RIC8B: variants seen among roughly 807,000 people sequenced by gnomAD.
RIC8B encodes RIC8 guanine nucleotide exchange factor B, also known as chaperone Ric-8B.
In RIC8B, 16 loss-of-function variants were observed where a neutral mutation model predicts 57.5. The observed-to-expected ratio is 0.28, with a 90% CI of 0.19 to 0.42. The LOEUF is 0.42. RIC8B is among the 10% of genes least tolerant of loss of function. RIC8B has a pLI of 1.00. For missense variants in RIC8B, 481 were observed against 677.0 expected (o/e 0.71, Z 3.21); for synonymous variants, 216 against 250.8 (o/e 0.86, Z 1.31).
At chr12:106,842,000 G>A (rs1377832428) in intron 4 of RIC8B, among the ~76,000 whole-genome samples, 1 of 152,132 alleles carries the variant, frequency 6.6e-6, no homozygotes, top group East Asian at 1.9e-4. Context: ...ACTTCATTTA[G>A]AGACCTGATG....
chr12:106,880,676 A>G lies in RIC8B; in HGVS notation c.1572-5228A>G, dbSNP rs150979078. Among the ~76,000 whole-genome samples the G allele has an allele frequency of 8.0e-3, 1,224 of 152,246 alleles. 3 individuals are homozygous for G. Among genetic ancestry groups the G allele is most frequent in the Admixed American group, 0.012 (188 of 15,276 alleles). On this transcript the variant is annotated intron_variant, in intron 9 of 9. Coordinates refer to ENST00000392837, the MANE Select transcript of RIC8B (RefSeq NM_001330145.2). ...ATGATATTAATTCATCAGGAAAATA[A>G]TTACAGTTAAAATAACATGAGAATG...
intron 9 of RIC8B, among the ~76,000 whole-genome samples, chr12:106,877,314 GA>G (rs1950709516): frequency 6.6e-6 from 1 of 152,054 alleles, no homozygotes; most frequent in Non-Finnish European, 1.5e-5. Flanking sequence ...TGAGACTCCA[GA>G]TTGTGTGCTA....
chr12:106,866,285 G>A (rs1374017022), intron 8 of RIC8B, among the ~76,000 whole-genome samples: 1 of 152,056 alleles, frequency 6.6e-6, no homozygotes, highest in Non-Finnish European at 1.5e-5. Context: ...TTTTGAGTTA[G>A]TCAGCCCCTC....
intron 3 of RIC8B, among the ~76,000 whole-genome samples, chr12:106,825,390 G>A (rs1165784845): frequency 6.6e-6 from 1 of 152,182 alleles, no homozygotes; most frequent in Non-Finnish European, 1.5e-5. Context: ...CATCACATCT[G>A]TTGAAACTTT....
rs1163975406 is a variant in RIC8B at position 106,844,021 on chromosome 12, T to G, written c.1161+74T>G. 4 of 1,020,720 alleles carry G rather than the reference T, an allele frequency of 3.9e-6. No homozygotes were observed. In the East Asian group the frequency reaches 9.8e-5, roughly 25 times the overall value. 63.2% of individuals were successfully genotyped at this position (1,020,720 alleles called of 1,614,324 possible). The stretch of plus-strand genomic sequence containing the variant: ...ATTTTAAACATAGAATTAATTGAAT[T>G]TTCTCACAATGATTTTGTTTCAGAT... On this transcript the variant is annotated intron_variant, in intron 6 of 9. Coordinates refer to ENST00000392837, the MANE Select transcript of RIC8B (RefSeq NM_001330145.2).
Position 106,864,366 on chromosome 12 carries a change from C to A in RIC8B, c.1451+3954C>A, listed in dbSNP as rs974217264. On this transcript the variant is annotated intron_variant, in intron 8 of 9. Coordinates refer to ENST00000392837, the MANE Select transcript of RIC8B (RefSeq NM_001330145.2). ...AGGCCTTCTGTGTTGCCTATTTCTC[C>A]ACAAGTGGCTCCCTAACGCTAGTAA... Among the ~76,000 whole-genome samples the A allele has an allele frequency of 2.0e-5, 3 of 152,062 alleles. No individual in the cohort carries two copies. The East Asian group carries it at 5.8e-4, about 29-fold the overall frequency.
At chr12:106,823,533 A>G (rs1017130156) in intron 3 of RIC8B, 5 of 445,394 alleles carry the variant, frequency 1.1e-5, no homozygotes, top group Non-Finnish European at 1.8e-5. Context: ...CATCAGCATG[A>G]AAAGAGAAAG....
chr12:106,789,186 A>C (rs1355054015), intron 2 of RIC8B, among the ~76,000 whole-genome samples: 1 of 152,186 alleles, frequency 6.6e-6, no homozygotes, highest in Admixed American at 6.5e-5. Context: ...TCCACTTGCA[A>C]CAAGTTTCCT....
At position 106,885,915 on chromosome 12, in the gene RIC8B, T is replaced by A; in HGVS notation, c.1583T>A (p.Leu528His). ...ATCTCTTTTTCTAGAGAGGAGTTGC[T>A]TAAACCAATGGGACTAAAACCTGAT... The part of the protein sequence containing the change: ...MLDKLSREEL[L>H]KPMGLKPDGT... The change falls in exon 10 of 10, where the codon CTT becomes CAT. Residue 528 changes from leucine (L) to histidine (H), a missense_variant. Leu to His is a moderately conservative substitution (Grantham distance 99, BLOSUM62 -3). This residue lies in a region of RIC8B where 43 missense variants were observed against 99.8 expected (regional missense o/e 0.43). Coordinates refer to ENST00000392837, the MANE Select transcript of RIC8B (RefSeq NM_001330145.2). The A allele has an allele frequency of 6.2e-7, 1 of 1,612,674 alleles. No individual in the cohort carries two copies. Among genetic ancestry groups the A allele is most frequent in the Non-Finnish European group, 8.5e-7 (1 of 1,178,938 alleles).
chr12:106,835,812 G>A (rs2046572428), intron 4 of RIC8B, among the ~76,000 whole-genome samples: 2 of 152,332 alleles, frequency 1.3e-5, no homozygotes, highest in South Asian at 4.1e-4. Context: ...AGCACATTTA[G>A]AGAACAATGA....
At chr12:106,801,106 A>G (rs1305672871) in intron 2 of RIC8B, among the ~76,000 whole-genome samples, 2 of 152,254 alleles carry the variant, frequency 1.3e-5, no homozygotes, top group Non-Finnish European at 2.9e-5. Flanking sequence ...GCAGTGGAGA[A>G]CAGGGCTTTC....
chr12:106,785,169 T>C, intron 2 of RIC8B, among the ~76,000 whole-genome samples: 1 of 152,244 alleles, frequency 6.6e-6, no homozygotes, highest in Non-Finnish European at 1.5e-5. Flanking sequence ...TTTCGCAGCT[T>C]ATTTCTTTTC....
chr12:106,795,556 C>T (rs1320506318), intron 2 of RIC8B, among the ~76,000 whole-genome samples: 5 of 152,096 alleles, frequency 3.3e-5, no homozygotes, highest in African/African-American at 1.2e-4. Context: ...GAGGGCTGGC[C>T]GCCCCAACCT....
At chr12:106,826,761 T>C (rs562073451) in intron 4 of RIC8B, among the ~76,000 whole-genome samples, 24 of 129,094 alleles carry the variant, frequency 1.9e-4, no homozygotes, top group Non-Finnish European at 3.5e-4. Context: ...TCTCAAAAAA[T>C]TAATTAATTA....
chr12:106,816,354 G>A (rs770550282), intron 3 of RIC8B, among the ~76,000 whole-genome samples: 4 of 152,228 alleles, frequency 2.6e-5, no homozygotes, highest in Non-Finnish European at 4.4e-5. Context: ...GTTTTAAAGC[G>A]CAAATAGATC....
At chr12:106,823,066 T>C (rs1342795208) in intron 3 of RIC8B, 1 of 156,696 alleles carries the variant, frequency 6.4e-6, no homozygotes, top group Non-Finnish European at 1.4e-5. Context: ...AGCTGTGTGC[T>C]TATGATTTGT....
chr12:106,816,125 C>A (rs1029747957), intron 3 of RIC8B, among the ~76,000 whole-genome samples: 5 of 152,112 alleles, frequency 3.3e-5, no homozygotes, highest in African/African-American at 1.2e-4. Flanking sequence ...CATTTATTCT[C>A]TTTTTAGCTT....
At chr12:106,819,007 C>T (rs1433835424) in intron 3 of RIC8B, among the ~76,000 whole-genome samples, 2 of 152,142 alleles carry the variant, frequency 1.3e-5, no homozygotes, top group African/African-American at 2.4e-5. Flanking sequence ...CTCAGTGATC[C>T]GCCCACCTTG....
rs1220314521 is a variant in RIC8B at position 106,886,599 on chromosome 12, G to C, written c.*584G>C. 6.6e-6 allele frequency: 1 copy of C among 152,600 alleles called. No individual in the cohort carries two copies. Among genetic ancestry groups the C allele is most frequent in the Non-Finnish European group, 1.5e-5 (1 of 68,050 alleles). The allele number at this position is 152,600 out of a possible 1,614,324, so 9.5% of individuals were successfully genotyped here. On this transcript the variant is annotated 3_prime_UTR_variant, in exon 10 of 10. Transcript: ENST00000392837. ...CAAACTGATTATACTCTAAAAGTTT[G>C]TATGTCAGTTAGCTAAAACTTCAGA...
Sources: allele counts gnomAD v4.1 joint callset (sites outside exome capture counted in the v4.1 genomes callset), GRCh38; gene constraint gnomAD v4.1.1; regional missense constraint gnomAD v4.1.1; transcripts MANE v1.5; gene names NCBI Gene and HGNC (gene_info 2026-07-23, HGNC 2026-07-21).